Variants in SNX8 observed in about 807,000 individuals in gnomAD.
SNX8 encodes sorting nexin 8, also known as sorting nexin-8.
A neutral mutation model predicts 51.6 loss-of-function variants in SNX8; 25 were observed. That is an observed-to-expected ratio of 0.48 (90% CI 0.35 to 0.68). SNX8 has a LOEUF of 0.68. Among genes scored for constraint, SNX8 ranks in the 30% least tolerant of loss-of-function variants. SNX8 has a pLI of 0.00. For synonymous variants in SNX8, 324 were observed against 277.0 expected (o/e 1.17, Z -1.68); for missense variants, 695 against 624.0 (o/e 1.11, Z -1.21).
At chr7:2,310,619 TAGTC>T (rs1562452487) in intron 1 of SNX8, among the ~76,000 whole-genome samples, 1 of 151,838 alleles carries the variant, frequency 6.6e-6, no homozygotes, top group Non-Finnish European at 1.5e-5. Context: ...TACAAAAAAT[TAGTC>T]AGGTGTGGTG....
At chr7:2,326,517 T>G (rs1345501126) in intron 1 of SNX8, among the ~76,000 whole-genome samples, 1 of 151,424 alleles carries the variant, frequency 6.6e-6, no homozygotes, top group Non-Finnish European at 1.5e-5. Context: ...TACAAAAAAA[T>G]TAGCCGGGCG....
At chr7:2,317,723 G>A (rs528384432), upstream of SNX8, among the ~76,000 whole-genome samples, 7 of 152,018 alleles carry the variant, frequency 4.6e-5, no homozygotes, top group South Asian at 2.1e-4. Flanking sequence ...ACCCTGCCTC[G>A]GTAACAGATG....
chr7:2,289,289 G>C (rs531913929), intron 1 of SNX8, among the ~76,000 whole-genome samples: 4 of 152,300 alleles, frequency 2.6e-5, no homozygotes, highest in Admixed American at 2.6e-4. Context: ...GCTCTTGGTG[G>C]ACATATGTGT....
At chr7:2,270,935 A>G (rs1795629654) in intron 4 of SNX8, among the ~76,000 whole-genome samples, 1 of 152,130 alleles carries the variant, frequency 6.6e-6, no homozygotes, top group African/African-American at 2.4e-5. Context: ...CCCTCCCCGC[A>G]CAGGGAGAGG....
intron 1 of SNX8, chr7:2,309,731 CAA>C (rs973442450): frequency 4.8e-4 from 184 of 382,152 alleles, no homozygotes; most frequent in Admixed American, 7.5e-4. Flanking sequence ...GACTCCATCT[CAA>C]AAAAAAAAAA....
At chr7:2,353,043 C>T (rs140573262) in intron 1 of SNX8, among the ~76,000 whole-genome samples, 1 of 152,146 alleles carries the variant, frequency 6.6e-6, no homozygotes, top group African/African-American at 2.4e-5. Context: ...CCTATAGTCC[C>T]GGCACTTTGG....
At position 2,350,574 on chromosome 7, in the gene SNX8, CAGA is replaced by C. The variant is rs1341845921; in HGVS notation, c.-66+3645_-66+3647del. ...ATCCCAGCACTTTGGGAGGCCAACG[CAGA>C]AGGTTTGCTCTAAGCCAGGAGTTCA... is the stretch of plus-strand genomic sequence containing the variant. On this transcript the variant is annotated intron_variant, in intron 1 of 5. Coordinates refer to the SNX8 transcript ENST00000435336. 5.9e-5 allele frequency among the ~76,000 whole-genome samples: 9 copies of C among 152,280 alleles called. No homozygotes were observed. The East Asian group carries it at 1.7e-3, about 29-fold the overall frequency.
At chr7:2,270,604 C>T (rs181966896) in intron 4 of SNX8, among the ~76,000 whole-genome samples, 1 of 152,136 alleles carries the variant, frequency 6.6e-6, no homozygotes, top group African/African-American at 2.4e-5. Flanking sequence ...CCGCCCCTCC[C>T]AGGTCCTGCC....
chr7:2,311,873 C>G (rs1490886444), intron 1 of SNX8, among the ~76,000 whole-genome samples: 1 of 150,996 alleles, frequency 6.6e-6, no homozygotes, highest in Non-Finnish European at 1.5e-5. Context: ...GGAGGCAGAG[C>G]TTGCAGTGAG....
intron 1 of SNX8, among the ~76,000 whole-genome samples, chr7:2,348,648 T>A (rs1651300905): frequency 6.7e-6 from 1 of 149,744 alleles, no homozygotes; most frequent in Admixed American, 6.6e-5. Flanking sequence ...GCCCAGTATC[T>A]TTTTCAGGGT....
chr7:2,270,776 G>C (rs1212885249), intron 4 of SNX8, among the ~76,000 whole-genome samples: 6 of 152,304 alleles, frequency 3.9e-5, no homozygotes, highest in Non-Finnish European at 7.4e-5. Flanking sequence ...GAAGACAAAA[G>C]GAACCAAGGC....
intron 2 of SNX8, 98 bp from the exon 3 acceptor site, chr7:2,275,327 C>T: frequency 1.3e-6 from 1 of 791,138 alleles, no homozygotes; most frequent in Non-Finnish European, 2.3e-6. Flanking sequence ...GCACCAAGTG[C>T]ATCTTCTCTC....
At chr7:2,269,118 T>C (rs1795574381) in intron 5 of SNX8, among the ~76,000 whole-genome samples, 1 of 142,922 alleles carries the variant, frequency 7.0e-6, no homozygotes, top group Admixed American at 7.0e-5. Flanking sequence ...GATTGAGAAA[T>C]CGGATGGTTG....
intron 1 of SNX8, among the ~76,000 whole-genome samples, chr7:2,320,451 C>G (rs1339936744): frequency 6.6e-6 from 1 of 152,068 alleles, no homozygotes; most frequent in African/African-American, 2.4e-5. Flanking sequence ...CTGGGCACAG[C>G]AGCTCACACC....
At chr7:2,280,441 C>T (rs1392329441) in intron 1 of SNX8, among the ~76,000 whole-genome samples, 4 of 150,542 alleles carry the variant, frequency 2.7e-5, no homozygotes, top group African/African-American at 9.8e-5. Flanking sequence ...CAGATCACGC[C>T]ACTGCACTCC....
intron 1 of SNX8, among the ~76,000 whole-genome samples, chr7:2,352,278 T>A (rs77382933): frequency 2.0e-5 from 3 of 152,072 alleles, no homozygotes; most frequent in African/African-American, 7.2e-5. Flanking sequence ...CACTTTGACT[T>A]CATCTTGATT....
At chr7:2,309,896 G>A (rs1455887912) in intron 1 of SNX8, 3 of 470,742 alleles carry the variant, frequency 6.4e-6, no homozygotes, top group South Asian at 1.5e-5. Context: ...CGGGGCAGGG[G>A]TGAAGGAGCC....
chr7:2,323,215 A>G (rs890723916), intron 1 of SNX8, among the ~76,000 whole-genome samples: 2 of 151,044 alleles, frequency 1.3e-5, no homozygotes, highest in Non-Finnish European at 2.9e-5. Flanking sequence ...CTGTAATCCC[A>G]TCTGCTCGGG....
chr7:2,263,148 C>T, intron 7 of SNX8, 82 bp downstream of exon 7: 1 of 1,476,524 alleles, frequency 6.8e-7, no homozygotes, highest in Non-Finnish European at 9.2e-7. Context: ...AACTGTGACG[C>T]CCATCTAAGC....
Sources: gnomAD v4.1 joint callset for allele counts (sites outside exome capture counted in the v4.1 genomes callset) on GRCh38, gnomAD v4.1.1 for gene constraint, MANE v1.5 for transcripts, NCBI Gene and HGNC (gene_info 2026-07-23, HGNC 2026-07-21) for gene names.